The following TARP variants were observed in gnomAD, a reference collection of about 807,000 sequenced individuals.
chr7:38,273,614 C>A, the TARP span: 3 of 1,597,890 alleles, frequency 1.9e-6, no homozygotes, highest in Non-Finnish European at 1.7e-6. Context: ...GTTCCGGGAC[C>A]AAATACCTTG....
the TARP span, among the ~76,000 whole-genome samples, chr7:38,264,810 A>T: frequency 6.6e-6 from 1 of 151,600 alleles, no homozygotes; most frequent in African/African-American, 2.4e-5. Flanking sequence ...AAGGAAATAG[A>T]AAATTGGAAC....
chr7:38,267,144 G>A, the TARP span, among the ~76,000 whole-genome samples: 1 of 151,462 alleles, frequency 6.6e-6, no homozygotes, highest in Non-Finnish European at 1.5e-5. Flanking sequence ...ATTTGTATCT[G>A]TCCTATATGC....
the TARP span, chr7:38,259,860 G>C: frequency 4.3e-5 from 21 of 489,056 alleles, no homozygotes; most frequent in Non-Finnish European, 7.3e-5. Flanking sequence ...GGAAAACATG[G>C]AGAGATTGGT....
At chr7:38,267,263 T>C in the TARP span, among the ~76,000 whole-genome samples, 2 of 151,810 alleles carry the variant, frequency 1.3e-5, no homozygotes, top group African/African-American at 4.8e-5. Flanking sequence ...CTTATAGGGA[T>C]AGGGTCAAGA....
chr7:38,265,623 A>C, the TARP span: 18 of 1,610,866 alleles, frequency 1.1e-5, no homozygotes, highest in Non-Finnish European at 1.5e-5. Context: ...TTGTTTCAGC[A>C]ATTGAAGGAA....
At chr7:38,261,886 AG>A in the TARP span, among the ~76,000 whole-genome samples, 3 of 150,252 alleles carry the variant, frequency 2.0e-5, no homozygotes, top group Admixed American at 6.6e-5. Context: ...AAAAAAAAAA[AG>A]AAAAGAAAAA....
Sources: gnomAD v4.1 joint callset for allele counts (sites outside exome capture counted in the v4.1 genomes callset) on GRCh38, gnomAD v4.1.1 for gene constraint, MANE v1.5 for transcripts.